The following TMEM192 variants were observed in gnomAD, a reference collection of about 807,000 sequenced individuals.
TMEM192 encodes transmembrane protein 192.
Under a neutral mutation model 26.7 loss-of-function variants are expected in TMEM192, and 20 were observed. The ratio of observed to expected loss-of-function variants is 0.75; its 90% CI spans 0.53 to 1.09. The LOEUF (loss-of-function observed/expected upper bound fraction) is 1.09. Among genes scored for constraint, TMEM192 ranks in the 50% least tolerant of loss-of-function variants. TMEM192 has a pLI of 0.00. For synonymous variants in TMEM192, 124 were observed against 121.0 expected (o/e 1.02, Z -0.16); for missense variants, 304 against 322.6 (o/e 0.94, Z 0.44).
At chr4:165,085,563 T>C in intron 5 of TMEM192, 23 bp downstream of exon 5, 1 of 1,525,708 alleles carries the variant, frequency 6.6e-7, no homozygotes, top group Non-Finnish European at 8.9e-7. Flanking sequence ...AACTCAATTA[T>C]TTTATTCTCA....
intron 2 of TMEM192, among the ~76,000 whole-genome samples, chr4:165,102,403 C>G (rs1457596278): frequency 6.6e-6 from 1 of 152,082 alleles, no homozygotes; most frequent in African/African-American, 2.4e-5. Flanking sequence ...TCAGAGGCAA[C>G]TAGGTCTGTG....
chr4:165,100,843 G>A lies in TMEM192; in HGVS notation c.224C>T (p.Pro75Leu). Reference sequence around the variant, plus strand: ...TGGGCACTTGTCCTCATTTGGATTAGGATAAGAACAAAGCACACCTGTTAA... The same window carrying A: ...TGGGCACTTGTCCTCATTTGGATTAAGATAAGAACAAAGCACACCTGTTAA... ...AFLTGVLCSYPNPNEDKCPGN... is the reference protein window; with the variant it reads ...AFLTGVLCSYLNPNEDKCPGN... The change falls in exon 3 of 6, where the codon CCT becomes CTT. Residue 75 changes from proline to leucine, a missense_variant. By Grantham distance (98) the Pro-to-Leu change is moderately conservative (BLOSUM62 -3). Transcript: ENST00000306480. 1 of 1,613,882 alleles carries A rather than the reference G, an allele frequency of 6.2e-7. No individual in the cohort carries two copies. Among genetic ancestry groups the A allele is most frequent in the East Asian group, 2.2e-5 (1 of 44,870 alleles).
chr4:165,075,230 T>A lies in TMEM192; in HGVS notation c.*4428A>T, dbSNP rs1160188827. On this transcript the variant is annotated 3_prime_UTR_variant, in exon 6 of 6. Transcript: ENST00000306480. ...CCCCGTCTCTACTAGAAATACAATT[T>A]TTTTTCTTTTCTTTCTTTTTTTTTT... The A allele has an allele frequency of 6.7e-6, 1 of 148,398 alleles. No individual in the cohort carries two copies. The highest frequency in any genetic ancestry group is 1.5e-5 in the Non-Finnish European group (1 of 67,446). 9.2% of individuals were successfully genotyped at this position (148,398 alleles called of 1,614,324 possible).
intron 4 of TMEM192, among the ~76,000 whole-genome samples, chr4:165,088,023 C>T (rs747683047): frequency 7.2e-5 from 11 of 152,096 alleles, no homozygotes; most frequent in Non-Finnish European, 1.2e-4. Flanking sequence ...GATCCTCCCA[C>T]GTCAGCCTCC....
chr4:165,091,412 G>A (rs1734760523), intron 3 of TMEM192, among the ~76,000 whole-genome samples: 1 of 152,158 alleles, frequency 6.6e-6, no homozygotes, highest in South Asian at 2.1e-4. Flanking sequence ...TCTGAGGATA[G>A]ATGGTGCTAT....
chr4:165,092,605 A>G (rs1392391753), intron 3 of TMEM192, among the ~76,000 whole-genome samples: 1 of 152,166 alleles, frequency 6.6e-6, no homozygotes, highest in African/African-American at 2.4e-5. Flanking sequence ...TATCAAAGAG[A>G]AGTTTAGGGG....
intron 3 of TMEM192, among the ~76,000 whole-genome samples, chr4:165,090,204 T>C (rs1446872625): frequency 3.8e-5 from 3 of 78,216 alleles, no homozygotes; most frequent in Non-Finnish European, 7.0e-5. Flanking sequence ...AGAGCGAAAC[T>C]CCGTCTTGGA....
chr4:165,085,441 C>G, intron 5 of TMEM192, 145 bp downstream of exon 5: 1 of 624,898 alleles, frequency 1.6e-6, no homozygotes, highest in Non-Finnish European at 2.7e-6. Context: ...CTGATTTAGA[C>G]TTGATTTCAC....
intron 2 of TMEM192, 35 bp from the exon 3 acceptor site, chr4:165,100,927 A>G (rs1191926697): frequency 3.2e-6 from 5 of 1,547,394 alleles, no homozygotes; most frequent in African/African-American, 1.4e-5. Context: ...TTAATATTCA[A>G]TATTTGTAAT....
rs1734269082 is a variant in TMEM192, at chr4:165,071,295, T to C, written c.*8363A>G. 1.3e-5 allele frequency: 2 copies of C among 150,220 alleles called. No homozygotes were observed. Among genetic ancestry groups the C allele is most frequent in the South Asian group, 4.3e-4 (2 of 4,676 alleles). 9.3% of individuals were successfully genotyped at this position (150,220 alleles called of 1,614,324 possible). A position where few individuals can be genotyped will look rare whatever the true frequency, so the allele number is the denominator to read the frequency against. Reference sequence around the variant, plus strand: ...AGGCTGACTGAAGTGGGAGGATTTTTTTTTTTTGGGGGGGGGACGGATTCT... The same window carrying C: ...AGGCTGACTGAAGTGGGAGGATTTTCTTTTTTTGGGGGGGGGACGGATTCT... On this transcript the variant is annotated 3_prime_UTR_variant, in exon 6 of 6. Transcript: ENST00000306480.
chr4:165,081,988 A>G lies in TMEM192; in HGVS notation c.678-2192T>C, dbSNP rs1578898925. On this transcript the variant is annotated intron_variant, in intron 5 of 5. Coordinates refer to ENST00000306480, the MANE Select transcript of TMEM192 (RefSeq NM_001100389.2). ...CATCTTCTTTTTTTTTTTTTTTTTC[A>G]ACACAGAGTCTCACTCCATTGCCCA... 8.1e-5 allele frequency among the ~76,000 whole-genome samples: 2 copies of G among 24,542 alleles called. 1 individual carries two copies. The allele number at this position is 24,542 out of a possible 152,430, so 16.1% of individuals were successfully genotyped here.
rs775026124 is a variant in TMEM192 at position 165,079,640 on chromosome 4, G to C, written c.*18C>G. ...TACTCTGGGTTCCTCTGCAATTGCT[G>C]TCATGACCGTGAGCCTCTCACGTTC... On this transcript the variant is annotated 3_prime_UTR_variant, in exon 6 of 6. Coordinates refer to ENST00000306480, the MANE Select transcript of TMEM192 (RefSeq NM_001100389.2). 6.2e-7 allele frequency: 1 copy of C among 1,601,228 alleles called. No homozygotes were observed. The highest frequency in any genetic ancestry group is 1.3e-5 in the African/African-American group (1 of 74,430).
In TMEM192 at chr4:165,078,312, A is replaced by G. The variant is rs1164221104; in HGVS notation, c.*1346T>C. 1 of 152,170 alleles carries G rather than the reference A, an allele frequency of 6.6e-6. No individual in the cohort carries two copies. The highest frequency in any genetic ancestry group is 2.4e-5 in the African/African-American group (1 of 41,434). The allele number at this position is 152,170 out of a possible 1,614,324, so 9.4% of individuals were successfully genotyped here. On this transcript the variant is annotated 3_prime_UTR_variant, in exon 6 of 6. Coordinates refer to ENST00000306480, the MANE Select transcript of TMEM192 (RefSeq NM_001100389.2). The stretch of plus-strand genomic sequence containing the variant: ...CTCCCCTCATATTCAGCCTTCAACC[A>G]AAAGTCTTTCTAAGGCAGCATATAA...
intron 5 of TMEM192, among the ~76,000 whole-genome samples, chr4:165,081,230 C>T (rs1194965132): frequency 4.9e-5 from 4 of 81,062 alleles, no homozygotes; most frequent in Non-Finnish European, 1.1e-4. Context: ...TAGGAACCTC[C>T]CACTCTTTTT....
intron 3 of TMEM192, among the ~76,000 whole-genome samples, chr4:165,094,458 G>A (rs1734844521): frequency 6.6e-6 from 1 of 152,142 alleles, no homozygotes; most frequent in Non-Finnish European, 1.5e-5. Context: ...GAAAGTTCAA[G>A]ACCAGCCTGA....
intron 3 of TMEM192, among the ~76,000 whole-genome samples, chr4:165,096,051 C>A (rs1319539431): frequency 6.6e-6 from 1 of 151,682 alleles, no homozygotes; most frequent in Non-Finnish European, 1.5e-5. Flanking sequence ...CCTGCCTCGA[C>A]CTCCCAAAGT....
rs1225933994 is a variant in TMEM192 at position 165,076,688 on chromosome 4, A to C, written c.*2970T>G. The C allele has an allele frequency of 6.6e-6, 1 of 152,254 alleles. No individual in the cohort carries two copies. The highest frequency in any genetic ancestry group is 2.4e-5 in the African/African-American group (1 of 41,460). 9.4% of individuals were successfully genotyped at this position (152,254 alleles called of 1,614,324 possible). ...GAAATCTATTCCTCGCTCTCTTTAGAATGTAAGCTGCCAACCAGAGTCTTT... is the reference window on the plus strand; with the variant it reads ...GAAATCTATTCCTCGCTCTCTTTAGCATGTAAGCTGCCAACCAGAGTCTTT... On this transcript the variant is annotated 3_prime_UTR_variant, in exon 6 of 6. Transcript: ENST00000306480.
At chr4:165,112,033 T>C (rs1269063516) in intron 1 of TMEM192, among the ~76,000 whole-genome samples, 1 of 152,264 alleles carries the variant, frequency 6.6e-6, no homozygotes, top group Non-Finnish European at 1.5e-5. Context: ...GTAATTATGC[T>C]ACCATTCTGT....
At chr4:165,110,037 C>A (rs891274683) in intron 1 of TMEM192, among the ~76,000 whole-genome samples, 1 of 152,074 alleles carries the variant, frequency 6.6e-6, no homozygotes, top group Admixed American at 6.6e-5. Context: ...TAATATGGTT[C>A]TTCTCTATGT....
Sources: gnomAD v4.1 joint callset for allele counts (sites outside exome capture counted in the v4.1 genomes callset) on GRCh38, gnomAD v4.1.1 for gene constraint, MANE v1.5 for transcripts, NCBI Gene and HGNC (gene_info 2026-07-23, HGNC 2026-07-21) for gene names.